NOP58: variants seen among roughly 807,000 people sequenced by gnomAD.
NOP58 encodes NOP58 ribonucleoprotein.
In NOP58, 44 loss-of-function variants were observed where a neutral mutation model predicts 71.2. The ratio of observed to expected loss-of-function variants is 0.62; its 90% CI spans 0.49 to 0.79. The LOEUF (loss-of-function observed/expected upper bound fraction) is 0.79, where lower values mean the gene tolerates loss of function less well. Among genes scored for constraint, NOP58 ranks in the 30% least tolerant of loss-of-function variants. The pLI, the probability that NOP58 is intolerant of heterozygous loss-of-function variation, is 0.00. For missense variants in NOP58, 538 were observed against 620.2 expected, an observed-to-expected ratio of 0.87 and a Z score of 1.41; for synonymous variants, 228 against 200.3, an observed-to-expected ratio of 1.14 and a Z score of -1.17.
At chr2:202,282,141 C>T (rs1283309981) in intron 3 of NOP58, among the ~76,000 whole-genome samples, 1 of 152,094 alleles carries the variant, frequency 6.6e-6, no homozygotes, top group Non-Finnish European at 1.5e-5. Context: ...CTGATTTTAC[C>T]CCTGGCTCTG....
In NOP58 at chr2:202,286,181, C is replaced by CAA. The variant is rs1008544993; in HGVS notation, c.435-1462_435-1461dup. Among the ~76,000 whole-genome samples, 196 of 45,602 alleles carry CAA rather than the reference C, an allele frequency of 4.3e-3. 2 individuals carry two copies. Among genetic ancestry groups the CAA allele is most frequent in the African/African-American group, 9.7e-3 (120 of 12,364 alleles). The allele number at this position is 45,602 out of a possible 152,430, so 29.9% of individuals were successfully genotyped here. On this transcript the variant is annotated intron_variant, in intron 5 of 14. Coordinates refer to ENST00000264279, the MANE Select transcript of NOP58 (RefSeq NM_015934.5). The stretch of plus-strand genomic sequence containing the variant: ...TGGGTGACAGAGTGAGACTCCATCT[C>CAA]AAAAAAAAAAAAAAAAAAGGGAGAA...
At chr2:202,297,260 A>G (rs960408774) in intron 10 of NOP58, 119 bp from the exon 11 acceptor site, 5 of 889,318 alleles carry the variant, frequency 5.6e-6, no homozygotes, top group Non-Finnish European at 8.3e-6. Flanking sequence ...TTGAAATACG[A>G]TGGATGATTT....
chr2:202,275,359 A>G (rs1688574389), intron 2 of NOP58, 170 bp downstream of exon 2: 1 of 532,882 alleles, frequency 1.9e-6, no homozygotes, highest in African/African-American at 1.9e-5. Context: ...TACTTGGAAT[A>G]TAGGCCATCT....
rs144981807 is a variant in NOP58, at chr2:202,284,621, C to T, written c.434+140C>T. 279 of 878,078 alleles carry T rather than the reference C, an allele frequency of 3.2e-4. No individual in the cohort carries two copies. In the African/African-American group the frequency reaches 4.3e-3, roughly 14 times the overall value. 54.4% of individuals were successfully genotyped at this position (878,078 alleles called of 1,614,324 possible). On this transcript the variant is annotated intron_variant, in intron 5 of 14. Transcript: ENST00000264279. ...AAGATGATAGTAATATCCTCATTTA[C>T]AGATGAAACTGAAGCCCAAGGTCAA...
Position 202,292,870 on chromosome 2 carries a change from G to A in NOP58, c.874G>A (p.Glu292Lys). 6.2e-7 allele frequency: 1 copy of A among 1,614,104 alleles called. No homozygotes were observed. Among genetic ancestry groups the A allele is most frequent in the East Asian group, 2.2e-5 (1 of 44,882 alleles). The change falls in exon 9 of 15, where the codon GAA becomes AAA. Residue 292 changes from glutamate (E) to lysine (K), a missense_variant. By Grantham distance (56) the Glu-to-Lys change is moderately conservative. Coordinates refer to ENST00000264279, the MANE Select transcript of NOP58 (RefSeq NM_015934.5). ...IAPNVTVMVG[E>K]LVGARLIAHA... ...ACCCAATGTTACAGTCATGGTTGGGGAATTAGTTGGAGCACGGCTTATTGC... is the reference window on the plus strand; with the variant it reads ...ACCCAATGTTACAGTCATGGTTGGGAAATTAGTTGGAGCACGGCTTATTGC...
intron 2 of NOP58, 93 bp downstream of exon 2, chr2:202,275,282 G>A (rs977716929): frequency 1.9e-5 from 12 of 643,634 alleles, no homozygotes; most frequent in South Asian, 1.3e-4. Context: ...TGTTACATTC[G>A]TAGTTTTCTG....
chr2:202,267,080 T>A (rs1688429649), intron 1 of NOP58, among the ~76,000 whole-genome samples: 1 of 152,134 alleles, frequency 6.6e-6, no homozygotes, highest in Admixed American at 6.6e-5. Flanking sequence ...TGGTAAGACA[T>A]TCGTATCGCA....
intron 11 of NOP58, 137 bp downstream of exon 11, chr2:202,297,650 G>A (rs936948355): frequency 3.2e-6 from 3 of 927,974 alleles, no homozygotes; most frequent in African/African-American, 1.7e-5. Context: ...TGTGCCTACT[G>A]TTAACAATTG....
intron 10 of NOP58, among the ~76,000 whole-genome samples, chr2:202,297,104 A>G (rs1490773338): frequency 6.6e-6 from 1 of 152,198 alleles, no homozygotes; most frequent in African/African-American, 2.4e-5. Context: ...ATAGCACAGA[A>G]CTAATGTCAC....
At chr2:202,296,380 T>G (rs1688993628) in intron 10 of NOP58, among the ~76,000 whole-genome samples, 1 of 152,098 alleles carries the variant, frequency 6.6e-6, no homozygotes, top group Admixed American at 6.6e-5. Flanking sequence ...ATTTTTGTAT[T>G]TTAAGTAAAG....
At position 202,265,808 on chromosome 2, in the gene NOP58, CTT is replaced by C; in HGVS notation, c.-132_-131del. On this transcript the variant is annotated 5_prime_UTR_variant, in exon 1 of 15. Coordinates refer to ENST00000264279, the MANE Select transcript of NOP58 (RefSeq NM_015934.5). ...AGGGTTTAGGCAGCGTGTTCTGATT[CTT>C]TGCGGGACGGCGAGCGCATTTGTGC... The C allele has an allele frequency of 1.1e-6, 1 of 899,732 alleles. No individual in the cohort carries two copies. The highest frequency in any genetic ancestry group is 1.9e-5 in the Admixed American group (1 of 51,742). The allele number at this position is 899,732 out of a possible 1,614,324, so 55.7% of individuals were successfully genotyped here. A position where few individuals can be genotyped will look rare whatever the true frequency, so the allele number is the denominator to read the frequency against.
At chr2:202,288,848 G>T (rs1402745576) in intron 6 of NOP58, among the ~76,000 whole-genome samples, 1 of 151,978 alleles carries the variant, frequency 6.6e-6, no homozygotes, top group Admixed American at 6.6e-5. Flanking sequence ...GCTGGGCGCA[G>T]TGGCTCACAC....
chr2:202,278,053 C>A lies in NOP58; in HGVS notation c.175+51C>A, dbSNP rs1026983690. 3 of 1,137,220 alleles carry A rather than the reference C, an allele frequency of 2.6e-6. No homozygotes were observed. In the South Asian group the frequency reaches 3.8e-5, roughly 14 times the overall value. 70.4% of individuals were successfully genotyped at this position (1,137,220 alleles called of 1,614,324 possible). A position where few individuals can be genotyped will look rare whatever the true frequency, so the allele number is the denominator to read the frequency against. ...TTTTTTGAAAAAATTAAGTCTTAGC[C>A]GTTTGTTTTTCTTGTTTAAAAGGTT... On this transcript the variant is annotated intron_variant, in intron 3 of 14. Coordinates refer to ENST00000264279, the MANE Select transcript of NOP58 (RefSeq NM_015934.5).
chr2:202,283,192 C>T (rs1300442200), intron 4 of NOP58, among the ~76,000 whole-genome samples: 3 of 152,102 alleles, frequency 2.0e-5, no homozygotes, highest in African/African-American at 4.8e-5. Context: ...GCTGGGACTA[C>T]AGGCACATGC....
At position 202,291,136 on chromosome 2, in the gene NOP58, A is replaced by G; in HGVS notation, c.646A>G (p.Asn216Asp). Residue 216 changes from asparagine to aspartate, a missense_variant, in exon 8 of 15, where the codon AAC becomes GAC. Transcript: ENST00000264279. ...CAAACATTCCATAGGCGATAGGAAG[A>G]ACTATGCCTCTGCCAAGCTTTCTGA... ...KCLQKVGDRK[N>D]YASAKLSELL... 3.7e-6 allele frequency: 6 copies of G among 1,608,508 alleles called. No homozygotes were observed. Among genetic ancestry groups the G allele is most frequent in the Non-Finnish European group, 5.1e-6 (6 of 1,178,518 alleles).
At chr2:202,298,557 C>T (rs1689036064) in intron 12 of NOP58, among the ~76,000 whole-genome samples, 3 of 152,018 alleles carry the variant, frequency 2.0e-5, no homozygotes, top group African/African-American at 2.4e-5. Flanking sequence ...GCTTGAAACC[C>T]GGGAGGCGGA....
At chr2:202,291,586 A>G (rs1487588604) in intron 8 of NOP58, among the ~76,000 whole-genome samples, 3 of 152,058 alleles carry the variant, frequency 2.0e-5, no homozygotes, top group African/African-American at 7.2e-5. Flanking sequence ...TCAGGGATTG[A>G]CCTGAGGTCA....
intron 11 of NOP58, 43 bp from the exon 12 acceptor site, chr2:202,297,802 T>C: frequency 8.7e-7 from 1 of 1,152,018 alleles, no homozygotes; most frequent in Middle Eastern, 2.0e-4. Context: ...ATAAAGAGAT[T>C]ATGACTTAGA....
At chr2:202,282,812 A>T (rs1688727333) in intron 4 of NOP58, among the ~76,000 whole-genome samples, 1 of 152,192 alleles carries the variant, frequency 6.6e-6, no homozygotes, top group Non-Finnish European at 1.5e-5. Context: ...ATTTTTTAGA[A>T]ATATATTTAT....
Sources: gnomAD v4.1 joint callset for allele counts (sites outside exome capture counted in the v4.1 genomes callset) on GRCh38, gnomAD v4.1.1 for gene constraint, MANE v1.5 for transcripts, NCBI Gene and HGNC (gene_info 2026-07-23, HGNC 2026-07-21) for gene names.